The following ABCB4 variants were observed in gnomAD, a reference collection of about 807,000 sequenced individuals.
The protein encoded by ABCB4 is ATP binding cassette subfamily B member 4.
Under a neutral mutation model 145.7 loss-of-function variants are expected in ABCB4, and 76 were observed. That is an observed-to-expected ratio of 0.52 (90% CI 0.43 to 0.63). ABCB4 has a LOEUF of 0.63. Among genes scored for constraint, ABCB4 ranks in the 30% least tolerant of loss-of-function variants. ABCB4 has a pLI of 0.00. For synonymous variants in ABCB4, 517 were observed against 566.8 expected, an observed-to-expected ratio of 0.91 and a Z score of 1.25; for missense variants, 1,234 against 1,553.1, an observed-to-expected ratio of 0.79 and a Z score of 3.45.
chr7:87,394,701 C>T, the ABCB4 span, among the ~76,000 whole-genome samples: 31 of 151,960 alleles, frequency 2.0e-4, no homozygotes, highest in African/African-American at 6.0e-4. Flanking sequence ...AAAAAAATGC[C>T]TTTCTTGCTA....
chr7:87,421,126 G>A (rs1809384422), intron 18 of ABCB4, among the ~76,000 whole-genome samples: 2 of 152,196 alleles, frequency 1.3e-5, no homozygotes, highest in Non-Finnish European at 2.9e-5. Flanking sequence ...CCAAACTGGA[G>A]AGGAGTCCAG....
intron 15 of ABCB4, among the ~76,000 whole-genome samples, chr7:87,429,658 A>C (rs555200210): frequency 1.3e-5 from 2 of 152,302 alleles, no homozygotes; most frequent in East Asian, 3.9e-4. Context: ...TTAAAACTAA[A>C]ATGGATTTAA....
At chr7:87,392,958 G>A in the ABCB4 span, 20 of 1,613,674 alleles carry the variant, frequency 1.2e-5, no homozygotes, top group South Asian at 1.4e-4. Flanking sequence ...CGGAGGAGGT[G>A]GAAATTTTGT....
In ABCB4 at chr7:87,462,781, G is replaced by C. The variant is rs1417236795; in HGVS notation, c.263C>G (p.Thr88Ser). ...ACCTGGAAAGGAGAAGTTTCCTGCAGTATCAACAAATTTGTCAGTCATCTC... is the reference window on the plus strand; with the variant it reads ...ACCTGGAAAGGAGAAGTTTCCTGCACTATCAACAAATTTGTCAGTCATCTC... ...FGEMTDKFVD[T>S]AGNFSFPVNF... The change falls in exon 4 of 28, where the codon ACT becomes AGT. Residue 88 changes from threonine to serine, a missense_variant. Thr to Ser is a moderately conservative substitution (Grantham distance 58, BLOSUM62 1). Transcript: ENST00000649586. 3 of 1,613,952 alleles carry C rather than the reference G, an allele frequency of 1.9e-6. No homozygotes were observed. In the Admixed American group the frequency reaches 5.0e-5, roughly 27 times the overall value.
the ABCB4 span, chr7:87,392,858 T>C: frequency 5.6e-6 from 9 of 1,608,926 alleles, no homozygotes; most frequent in Non-Finnish European, 6.8e-6. Context: ...CTTCATCAAT[T>C]GGCTTCCTCT....
intron 6 of ABCB4, 117 bp from the exon 7 acceptor site, chr7:87,451,911 CAG>C (rs1811760003): frequency 5.3e-6 from 5 of 941,150 alleles, no homozygotes; most frequent in Admixed American, 3.5e-5. Flanking sequence ...AAGCCTCTTT[CAG>C]AGTCTTAGCC....
At chr7:87,437,902 G>A (rs985691045) in intron 14 of ABCB4, among the ~76,000 whole-genome samples, 3 of 152,196 alleles carry the variant, frequency 2.0e-5, no homozygotes, top group Non-Finnish European at 2.9e-5. Context: ...GTTATCAACT[G>A]AGGAGTGTGC....
the ABCB4 span, chr7:87,393,098 CTA>C: frequency 1.9e-6 from 3 of 1,602,674 alleles, no homozygotes; most frequent in African/African-American, 2.7e-5. Flanking sequence ...TCTTTCTGTG[CTA>C]TAGAGTAGGA....
At chr7:87,446,051 G>A (rs1175168103) in intron 9 of ABCB4, among the ~76,000 whole-genome samples, 1 of 152,180 alleles carries the variant, frequency 6.6e-6, no homozygotes, top group Non-Finnish European at 1.5e-5. Flanking sequence ...AGGGTAGCAA[G>A]CTTCCAAACC....
At chr7:87,377,800 A>T in the ABCB4 span, among the ~76,000 whole-genome samples, 1 of 152,088 alleles carries the variant, frequency 6.6e-6, no homozygotes, top group African/African-American at 2.4e-5. Context: ...ATGCATATGG[A>T]TATATTTATA....
intron 21 of ABCB4, 37 bp downstream of exon 21, chr7:87,417,272 AAAC>A: frequency 6.3e-7 from 1 of 1,593,712 alleles, no homozygotes; most frequent in Non-Finnish European, 8.6e-7. Context: ...ACATGTCTAA[AAAC>A]AACACTTAAC....
the ABCB4 span, among the ~76,000 whole-genome samples, chr7:87,383,259 C>T: frequency 6.6e-6 from 1 of 152,044 alleles, no homozygotes; most frequent in Non-Finnish European, 1.5e-5. Flanking sequence ...CTTCAATCTC[C>T]TCTCCCCCCT....
the ABCB4 span, among the ~76,000 whole-genome samples, chr7:87,385,725 G>A: frequency 3.9e-5 from 6 of 152,154 alleles, no homozygotes; most frequent in Non-Finnish European, 5.9e-5. Flanking sequence ...TTGCATAAAA[G>A]TGGTGAAAGT....
At chr7:87,451,153 T>TTTTG (rs1170451356) in intron 7 of ABCB4, among the ~76,000 whole-genome samples, 3 of 151,854 alleles carry the variant, frequency 2.0e-5, no homozygotes, top group Non-Finnish European at 2.9e-5. Flanking sequence ...TTTTTTTTTT[T>TTTTG]GAGATGAAGT....
At chr7:87,407,421 C>G (rs977086990) in intron 25 of ABCB4, among the ~76,000 whole-genome samples, 1 of 152,200 alleles carries the variant, frequency 6.6e-6, no homozygotes, top group Admixed American at 6.5e-5. Flanking sequence ...CAAGGCTTAA[C>G]ACTTTGGTGA....
downstream of ABCB4, among the ~76,000 whole-genome samples, chr7:87,400,458 A>G (rs1400500751): frequency 1.3e-5 from 2 of 152,214 alleles, no homozygotes; most frequent in African/African-American, 4.8e-5. Flanking sequence ...CCTGAAAAGC[A>G]TCAGTACTAT....
At chr7:87,412,674 A>G (rs1808708886) in intron 22 of ABCB4, among the ~76,000 whole-genome samples, 1 of 152,216 alleles carries the variant, frequency 6.6e-6, no homozygotes, top group Non-Finnish European at 1.5e-5. Context: ...TTTTTGGCAA[A>G]AGGAAAAATT....
At chr7:87,411,541 C>T (rs1390681086) in intron 23 of ABCB4, among the ~76,000 whole-genome samples, 2 of 152,128 alleles carry the variant, frequency 1.3e-5, no homozygotes, top group African/African-American at 4.8e-5. Context: ...TAATAGTAAG[C>T]TATATAACCC....
chr7:87,382,123 T>C, the ABCB4 span: 64 of 1,613,576 alleles, frequency 4.0e-5, no homozygotes, highest in African/African-American at 6.9e-4. Flanking sequence ...CTCATTTTCA[T>C]TGTGGATGAG....
Sources: allele counts gnomAD v4.1 joint callset (sites outside exome capture counted in the v4.1 genomes callset), GRCh38; gene constraint gnomAD v4.1.1; transcripts MANE v1.5; gene names NCBI Gene and HGNC (gene_info 2026-07-23, HGNC 2026-07-21).